UGGT2: variants seen among roughly 807,000 people sequenced by gnomAD.
UGGT2 encodes the protein UDP-glucose:glycoprotein glucosyltransferase 2.
Under a neutral mutation model 192.1 loss-of-function variants are expected in UGGT2, and 180 were observed. The ratio of observed to expected loss-of-function variants is 0.94; its 90% confidence interval spans 0.83 to 1.06. The LOEUF (loss-of-function observed/expected upper bound fraction) is 1.06. UGGT2 is among the 50% of genes least tolerant of loss of function. The probability of loss-of-function intolerance (pLI) is 0.00; values close to 1 mark genes in which losing one functional copy is unlikely to be tolerated. For synonymous variants in UGGT2, 580 were observed against 591.0 expected, an observed-to-expected ratio of 0.98 and a Z score of 0.27; for missense variants, 1,849 against 1,795.7, an observed-to-expected ratio of 1.03 and a Z score of -0.54.
chr13:95,926,585 T>G (rs1470895947), intron 19 of UGGT2, among the ~76,000 whole-genome samples: 1 of 152,196 alleles, frequency 6.6e-6, no homozygotes, highest in Non-Finnish European at 1.5e-5. Context: ...ACTGCAGACT[T>G]CTCAGTTTGG....
At chr13:95,834,597 C>T (rs2139894159) in intron 37 of UGGT2, among the ~76,000 whole-genome samples, 1 of 152,260 alleles carries the variant, frequency 6.6e-6, no homozygotes, top group East Asian at 1.9e-4. Context: ...GAATTTTCTG[C>T]ATTCTCTTTT....
Position 96,019,623 on chromosome 13 carries a change from T to A in UGGT2, c.485+3417A>T, listed in dbSNP as rs114469840. Among the ~76,000 whole-genome samples the A allele has an allele frequency of 9.6e-3, 1,464 of 152,304 alleles. 24 individuals carry two copies. The highest frequency in any genetic ancestry group is 0.034 in the African/African-American group (1,399 of 41,548). Reference sequence around the variant, plus strand: ...GTACATCTAAAGGAGTAAACCAGACTGTCAGATGGGCAAGTGCAAATTACT... The same window carrying A: ...GTACATCTAAAGGAGTAAACCAGACAGTCAGATGGGCAAGTGCAAATTACT... On this transcript the variant is annotated intron_variant, in intron 4 of 38. Transcript: ENST00000376747.
chr13:95,968,523 G>C (rs561454896), intron 12 of UGGT2, among the ~76,000 whole-genome samples: 2 of 152,094 alleles, frequency 1.3e-5, no homozygotes, highest in Non-Finnish European at 2.9e-5. Flanking sequence ...TCTTGGTGTT[G>C]TCTTTGTGAT....
chr13:95,878,188 C>T (rs1309214725), intron 27 of UGGT2, among the ~76,000 whole-genome samples: 2 of 151,986 alleles, frequency 1.3e-5, no homozygotes, highest in African/African-American at 4.8e-5. Flanking sequence ...CTGAAGCTCC[C>T]ACTTCAGACT....
chr13:95,911,067 C>A (rs2048477922), intron 20 of UGGT2, among the ~76,000 whole-genome samples: 1 of 152,178 alleles, frequency 6.6e-6, no homozygotes, highest in Admixed American at 6.5e-5. Flanking sequence ...GTACCAGAAT[C>A]TTTGGGACAC....
In UGGT2 at chr13:96,009,355, ACTAAAG is replaced by A. The variant is rs199620460; in HGVS notation, c.660+3946_660+3951del. The stretch of plus-strand genomic sequence containing the variant: ...AAATTGACAAATGGGACCTAATTAA[ACTAAAG>A]AACTTCTGCACAGCAAAAGAAATTA... On this transcript the variant is annotated intron_variant, in intron 5 of 38. Transcript: ENST00000376747. Among the ~76,000 whole-genome samples the A allele has an allele frequency of 9.6e-3, 1,470 of 152,334 alleles. 24 individuals are homozygous for A. The highest frequency in any genetic ancestry group is 0.034 in the African/African-American group (1,404 of 41,560).
At chr13:95,963,290 GA>G (rs201928637) in intron 12 of UGGT2, among the ~76,000 whole-genome samples, 104 of 149,370 alleles carry the variant, frequency 7.0e-4, no homozygotes, top group African/African-American at 2.4e-3. Flanking sequence ...ATCAATAGAA[GA>G]AAAAAAAACC....
intron 29 of UGGT2, among the ~76,000 whole-genome samples, chr13:95,873,587 T>C (rs538992578): frequency 1.3e-5 from 2 of 152,350 alleles, no homozygotes; most frequent in East Asian, 3.9e-4. Context: ...GCTAGTTGCA[T>C]GCATGCTCTC....
rs535620214 is a variant in UGGT2, at chr13:96,047,823, T to C, written c.158+5332A>G. On this transcript the variant is annotated intron_variant, in intron 1 of 38. Coordinates refer to ENST00000376747, the MANE Select transcript of UGGT2 (RefSeq NM_020121.4). ...CATATGCACCCAATACAGGAGCAAC[T>C]AGATTCATAAAGCAAGTCCTTAGAG... is the stretch of plus-strand genomic sequence containing the variant. 2.0e-3 allele frequency among the ~76,000 whole-genome samples: 303 copies of C among 152,170 alleles called. 1 individual carries two copies. The highest frequency in any genetic ancestry group is 5.8e-3 in the South Asian group (28 of 4,820).
intron 9 of UGGT2, among the ~76,000 whole-genome samples, 197 bp downstream of exon 9, chr13:95,986,132 GTGCA>G (rs2051282377): frequency 7.7e-6 from 1 of 129,712 alleles, no homozygotes; most frequent in African/African-American, 2.7e-5. Context: ...CTACCTTACA[GTGCA>G]TACACACATG....
At chr13:95,885,940 A>G (rs890122718) in intron 26 of UGGT2, among the ~76,000 whole-genome samples, 2 of 152,130 alleles carry the variant, frequency 1.3e-5, no homozygotes, top group African/African-American at 4.8e-5. Flanking sequence ...GAAGGAATGA[A>G]GAAGAGGGAA....
chr13:95,968,565 G>A (rs1241674703), intron 12 of UGGT2, among the ~76,000 whole-genome samples: 2 of 152,048 alleles, frequency 1.3e-5, no homozygotes, highest in African/African-American at 4.8e-5. Context: ...CTGCTTAAAT[G>A]TATGGCACCT....
Position 95,939,988 on chromosome 13 carries a change from C to T in UGGT2, c.1781G>A (p.Gly594Glu), listed in dbSNP as rs149290628. The stretch of plus-strand genomic sequence containing the variant: ...TTCTTCATCATATTTAGAATGAATT[C>T]CCAAAATATCCCAAATATTAGCATG... ...FPHANIWDILGIHSKYDEERK... is the reference protein window; with the variant it reads ...FPHANIWDILEIHSKYDEERK... The change falls in exon 16 of 39, where the codon GGA becomes GAA. Residue 594 changes from glycine to glutamate, a missense_variant. Gly to Glu is a moderately conservative substitution (Grantham distance 98). Transcript: ENST00000376747. 3 of 1,600,914 alleles carry T rather than the reference C, an allele frequency of 1.9e-6. No individual in the cohort carries two copies. Among genetic ancestry groups the T allele is most frequent in the Non-Finnish European group, 2.6e-6 (3 of 1,175,058 alleles).
chr13:95,912,059 A>G (rs2048517195), intron 20 of UGGT2, among the ~76,000 whole-genome samples: 1 of 151,692 alleles, frequency 6.6e-6, no homozygotes, highest in South Asian at 2.1e-4. Context: ...AAAACTCTCA[A>G]TAAACTAGGT....
chr13:95,938,581 T>C (rs2049547928), intron 16 of UGGT2, among the ~76,000 whole-genome samples: 1 of 152,188 alleles, frequency 6.6e-6, no homozygotes, highest in Non-Finnish European at 1.5e-5. Flanking sequence ...TACTATACTA[T>C]CTGTACGTTT....
chr13:96,023,741 TA>T lies in UGGT2; in HGVS notation c.259del (p.Tyr87ThrfsTer3). 1 of 1,600,600 alleles carries T rather than the reference TA, an allele frequency of 6.2e-7. No individual in the cohort carries two copies. The highest frequency in any genetic ancestry group is 8.5e-7 in the Non-Finnish European group (1 of 1,171,314). On this transcript the variant is annotated frameshift_variant, in exon 3 of 39. Transcript: ENST00000376747. LOFTEE classifies it high-confidence loss of function. Reference sequence around the variant, plus strand: ...TCCAGCTTTCTTCAGGATTAAGTTGTAATAAGAATAATCTGATTCTATAAAA... The same window carrying T: ...TCCAGCTTTCTTCAGGATTAAGTTGTATAAGAATAATCTGATTCTATAAAA... Reference protein sequence around the residue: ...YKQTESDYSYYNLILKKAGQF... With the variant: ...YKQTESDYSYXNLILKKAGQF...
At chr13:95,804,429 A>G (rs1264923257) in intron 38 of UGGT2, among the ~76,000 whole-genome samples, 2 of 152,194 alleles carry the variant, frequency 1.3e-5, no homozygotes, top group Admixed American at 1.3e-4. Context: ...TAAAAACCCC[A>G]ATGATGCTTT....
At chr13:95,903,399 A>T (rs2048169620) in intron 20 of UGGT2, among the ~76,000 whole-genome samples, 1 of 152,188 alleles carries the variant, frequency 6.6e-6, no homozygotes, top group African/African-American at 2.4e-5. Context: ...GGTCACTGGC[A>T]CTGCCAGCAA....
intron 12 of UGGT2, among the ~76,000 whole-genome samples, chr13:95,962,813 G>A (rs969091863): frequency 1.3e-5 from 2 of 152,078 alleles, no homozygotes; most frequent in African/African-American, 4.8e-5. Context: ...AGGCATACCC[G>A]AGACCGGGTA....
Sources: gnomAD v4.1 joint callset for allele counts (sites outside exome capture counted in the v4.1 genomes callset) on GRCh38, gnomAD v4.1.1 for gene constraint, MANE v1.5 for transcripts, NCBI Gene and HGNC (gene_info 2026-07-23, HGNC 2026-07-21) for gene names.